Variants in ART3 observed in about 807,000 individuals in gnomAD.
ART3 encodes ADP-ribosyltransferase 3 (inactive), also known as ecto-ADP-ribosyltransferase 3.
A neutral mutation model predicts 48.5 loss-of-function variants in ART3; 49 were observed. The ratio of observed to expected loss-of-function variants is 1.01; its 90% CI spans 0.80 to 1.28. ART3 has a LOEUF of 1.28. Ranked by LOEUF, ART3 falls within the 50% of genes most tolerant of loss-of-function variation. The pLI is 0.00. For synonymous variants in ART3, 145 were observed against 157.2 expected (o/e 0.92, Z 0.58); for missense variants, 438 against 454.3 (o/e 0.96, Z 0.33).
chr4:76,109,765 C>T (rs1176781652), intron 11 of ART3, among the ~76,000 whole-genome samples: 17 of 152,130 alleles, frequency 1.1e-4, no homozygotes, highest in Non-Finnish European at 2.4e-4. Flanking sequence ...TTGATGGAAA[C>T]ATCATTATGC....
At chr4:76,013,288 G>A (rs1453723976) in intron 1 of ART3, among the ~76,000 whole-genome samples, 1 of 152,212 alleles carries the variant, frequency 6.6e-6, no homozygotes, top group African/African-American at 2.4e-5. Context: ...ACTTTAGCAA[G>A]GGTGGACGGT....
chr4:76,023,631 T>G (rs2149378198), intron 1 of ART3: 1 of 497,512 alleles, frequency 2.0e-6, no homozygotes, highest in Non-Finnish European at 3.6e-6. Flanking sequence ...TGTTGCAGAC[T>G]CGAAGGTATT....
intron 1 of ART3, among the ~76,000 whole-genome samples, chr4:76,062,205 T>C (rs1211492358): frequency 1.3e-5 from 2 of 152,246 alleles, no homozygotes; most frequent in Non-Finnish European, 2.9e-5. Flanking sequence ...TTTTGCTTCC[T>C]ATTTTTTAAA....
chr4:76,035,347 A>T, intron 1 of ART3: 4 of 1,613,538 alleles, frequency 2.5e-6, no homozygotes, highest in Non-Finnish European at 3.4e-6. Context: ...GGAAGCCTAG[A>T]ATAGATCATA....
chr4:76,050,777 G>A (rs1202153942), intron 1 of ART3, among the ~76,000 whole-genome samples: 1 of 152,198 alleles, frequency 6.6e-6, no homozygotes, highest in East Asian at 1.9e-4. Flanking sequence ...AGGCATGGCG[G>A]GCTGCAGGTC....
At chr4:76,025,611 A>AT (rs1393208780) in intron 1 of ART3, among the ~76,000 whole-genome samples, 4 of 152,060 alleles carry the variant, frequency 2.6e-5, no homozygotes, top group Non-Finnish European at 4.4e-5. Flanking sequence ...ACCATAGATT[A>AT]TTTTTGCCTG....
chr4:76,086,090 C>T (rs1279852137), intron 3 of ART3, among the ~76,000 whole-genome samples: 1 of 142,722 alleles, frequency 7.0e-6, no homozygotes, highest in Non-Finnish European at 1.5e-5. Context: ...CGCAGAAAAA[C>T]AGAACTACCA....
chr4:76,031,888 T>C (rs1733901954), intron 1 of ART3, among the ~76,000 whole-genome samples: 1 of 152,144 alleles, frequency 6.6e-6, no homozygotes, highest in East Asian at 1.9e-4. Flanking sequence ...ATAGAGAGTG[T>C]TATGGAAATA....
intron 3 of ART3, among the ~76,000 whole-genome samples, chr4:76,093,891 C>G (rs1173383879): frequency 6.6e-6 from 1 of 152,138 alleles, no homozygotes; most frequent in East Asian, 1.9e-4. Flanking sequence ...ATGTATCCCC[C>G]CCAAAATTCA....
intron 1 of ART3, among the ~76,000 whole-genome samples, chr4:76,042,751 A>G (rs2149430582): frequency 6.6e-6 from 1 of 152,248 alleles, no homozygotes; most frequent in African/African-American, 2.4e-5. Flanking sequence ...TCATAAAAGC[A>G]GTGTGGACCC....
intron 2 of ART3, among the ~76,000 whole-genome samples, chr4:76,077,230 T>C (rs542024634): frequency 7.2e-5 from 11 of 152,310 alleles, no homozygotes; most frequent in African/African-American, 2.6e-4. Context: ...ACTTTCTGTG[T>C]CTATGGTTTT....
intron 2 of ART3, among the ~76,000 whole-genome samples, chr4:76,080,442 T>G (rs1160956026): frequency 2.6e-5 from 4 of 152,188 alleles, no homozygotes; most frequent in Non-Finnish European, 5.9e-5. Flanking sequence ...ATATGTTCAT[T>G]ACATAATTTA....
At position 76,022,796 on chromosome 4, in the gene ART3, A is replaced by G. The variant is rs762956789; in HGVS notation, c.-10+11476A>G. On this transcript the variant is annotated intron_variant, in intron 1 of 9. Transcript: ENST00000341029. ...ACTAATGCTGATGCAGGTACAGCGT[A>G]CAGTTCTAGAGAGAGGTACTCCTGT... 1.7e-5 allele frequency: 28 copies of G among 1,611,438 alleles called. No individual in the cohort carries two copies. Among genetic ancestry groups the G allele is most frequent in the Non-Finnish European group, 2.4e-5 (28 of 1,179,790 alleles).
At chr4:76,056,971 A>G (rs6532159) in intron 1 of ART3, among the ~76,000 whole-genome samples, 88,969 of 151,884 alleles carry the variant, frequency 0.59, 26,910 homozygotes, top group East Asian at 0.94. Flanking sequence ...ATTATTTACT[A>G]TTAATTCTTT....
chr4:76,087,620 T>C (rs2149589642), intron 3 of ART3, among the ~76,000 whole-genome samples: 1 of 152,350 alleles, frequency 6.6e-6, no homozygotes, highest in Non-Finnish European at 1.5e-5. Flanking sequence ...TCCCACAATG[T>C]TTTAAACTTG....
chr4:76,012,172 T>C (rs1731862810), intron 1 of ART3: 1 of 152,204 alleles, frequency 6.6e-6, no homozygotes. Context: ...GCCTCCCTCT[T>C]GAATCTTTTT....
chr4:76,039,128 C>A (rs1227065623), intron 1 of ART3, among the ~76,000 whole-genome samples: 1 of 145,654 alleles, frequency 6.9e-6, no homozygotes, highest in Admixed American at 6.9e-5. Flanking sequence ...GAGATGGAGT[C>A]TCTCTGTGCC....
intron 1 of ART3, among the ~76,000 whole-genome samples, chr4:76,018,794 G>A (rs1163954574): frequency 3.3e-5 from 5 of 152,072 alleles, no homozygotes; most frequent in African/African-American, 7.2e-5. Context: ...TTGGGAGGCC[G>A]AGGTGGGTGG....
rs1578322335 is a variant in ART3, at chr4:76,049,642, G to A, written c.-9-26239G>A. 4.0e-5 allele frequency among the ~76,000 whole-genome samples: 6 copies of A among 151,138 alleles called. 1 individual carries two copies. The highest frequency in any genetic ancestry group is 4.0e-4 in the Admixed American group (6 of 15,170). ...GACAGGTGCCCGGTATTTAGCCCCC[G>A]AAATTTTAAGGAAAAATAGGACAGA... On this transcript the variant is annotated intron_variant, in intron 1 of 9. Transcript: ENST00000341029.
Sources: gnomAD v4.1 joint callset for allele counts (sites outside exome capture counted in the v4.1 genomes callset) on GRCh38, gnomAD v4.1.1 for gene constraint, MANE v1.5 for transcripts, NCBI Gene and HGNC (gene_info 2026-07-23, HGNC 2026-07-21) for gene names.